Variants in SLTM observed in about 807,000 individuals in gnomAD.
SLTM encodes the protein SAFB like transcription modulator.
SLTM carries 43 observed loss-of-function variants against 134.6 expected under a neutral mutation model. The observed-to-expected ratio is 0.32, with a 90% CI of 0.25 to 0.41. The LOEUF (loss-of-function observed/expected upper bound fraction) is 0.41, where lower values mean the gene tolerates loss of function less well. Among genes scored for constraint, SLTM ranks in the 10% least tolerant of loss-of-function variants. The probability of loss-of-function intolerance (pLI) is 1.00; values close to 1 mark genes in which losing one functional copy is unlikely to be tolerated. For synonymous variants in SLTM, 424 were observed against 432.3 expected, an observed-to-expected ratio of 0.98 and a Z score of 0.24; for missense variants, 1,055 against 1,288.8, an observed-to-expected ratio of 0.82 and a Z score of 2.78.
At chr15:58,887,565 A>G (rs2034323130) in intron 17 of SLTM, 25 bp from the exon 18 acceptor site, 1 of 1,579,334 alleles carries the variant, frequency 6.3e-7, no homozygotes, top group Non-Finnish European at 8.6e-7. Flanking sequence ...CAAAGAATAT[A>G]GGTCCAAGAA....
intron 20 of SLTM, among the ~76,000 whole-genome samples, chr15:58,882,640 A>T (rs1407337300): frequency 6.6e-6 from 1 of 152,256 alleles, no homozygotes; most frequent in Non-Finnish European, 1.5e-5. Flanking sequence ...AACCAGATAC[A>T]ATGAATGTTG....
At position 58,893,073 on chromosome 15, in the gene SLTM, A is replaced by T. The variant is rs1335082137; in HGVS notation, c.1735-13T>A. On this transcript the variant is annotated splice_polypyrimidine_tract_variant and intron_variant, in intron 13 of 20. Coordinates refer to ENST00000380516, the MANE Select transcript of SLTM (RefSeq NM_024755.4). ...TTCTTCCATGAATCTGTAGAAAAAA[A>T]TTAGAAGAACACTAGAAATTAAAAT... is the stretch of plus-strand genomic sequence containing the variant. The T allele has an allele frequency of 1.3e-6, 2 of 1,564,756 alleles. No individual in the cohort carries two copies. The highest frequency in any genetic ancestry group is 1.7e-6 in the Non-Finnish European group (2 of 1,163,576).
At chr15:58,931,310 G>T (rs2037864455) in intron 2 of SLTM, among the ~76,000 whole-genome samples, 1 of 152,146 alleles carries the variant, frequency 6.6e-6, no homozygotes, top group Non-Finnish European at 1.5e-5. Context: ...ACAAACAGGG[G>T]ACTCTCCTAA....
At chr15:58,911,028 G>A (rs1310903943) in intron 5 of SLTM, among the ~76,000 whole-genome samples, 2 of 152,070 alleles carry the variant, frequency 1.3e-5, no homozygotes, top group African/African-American at 4.8e-5. Context: ...ACAGGTGTGA[G>A]CCACCATGCC....
rs2033496858 is a variant in SLTM at position 58,879,121 on chromosome 15, C to T, written c.*878G>A. On this transcript the variant is annotated 3_prime_UTR_variant, in exon 21 of 21. Transcript: ENST00000380516. ...CCCACATACAAGTATTTACAAAACC[C>T]AACTGATTCACCCATCTAGAACCTG... 1 of 152,160 alleles carries T rather than the reference C, an allele frequency of 6.6e-6. No individual in the cohort carries two copies. Among genetic ancestry groups the T allele is most frequent in the Admixed American group, 6.5e-5 (1 of 15,280 alleles). The allele number at this position is 152,160 out of a possible 1,614,324, so 9.4% of individuals were successfully genotyped here.
chr15:58,885,984 A>G lies in SLTM; in HGVS notation c.2835+991T>C, dbSNP rs540911796. ...ATTTCATCAGTAGAAGAATACTTTTAAATGAGGCAAAAGGTTTTTGTTCAT... is the reference window on the plus strand; with the variant it reads ...ATTTCATCAGTAGAAGAATACTTTTGAATGAGGCAAAAGGTTTTTGTTCAT... On this transcript the variant is annotated intron_variant, in intron 19 of 20. Transcript: ENST00000380516. Among the ~76,000 whole-genome samples the G allele has an allele frequency of 2.0e-5, 3 of 152,342 alleles. No individual in the cohort carries two copies. The South Asian group carries it at 6.2e-4, about 32-fold the overall frequency.
chr15:58,902,079 G>C (rs911509455), intron 5 of SLTM, among the ~76,000 whole-genome samples: 7 of 152,064 alleles, frequency 4.6e-5, no homozygotes, highest in Admixed American at 4.6e-4. Flanking sequence ...AAACAGAAGA[G>C]TCATAAAGGG....
intron 5 of SLTM, among the ~76,000 whole-genome samples, chr15:58,909,525 C>T (rs2036107567): frequency 6.6e-6 from 1 of 152,060 alleles, no homozygotes. Flanking sequence ...AGAAACAGTC[C>T]AACCAATAAA....
At chr15:58,920,879 C>T (rs2036994825) in intron 2 of SLTM, among the ~76,000 whole-genome samples, 2 of 151,896 alleles carry the variant, frequency 1.3e-5, no homozygotes, top group South Asian at 4.2e-4. Context: ...CCTTTGAACC[C>T]GGGAGGTGAA....
At chr15:58,921,426 T>C (rs1260459287) in intron 2 of SLTM, 1 of 179,234 alleles carries the variant, frequency 5.6e-6, no homozygotes, top group African/African-American at 2.4e-5. Flanking sequence ...ATGTATGAAA[T>C]TTTAAAATGT....
intron 19 of SLTM, among the ~76,000 whole-genome samples, chr15:58,885,459 A>C (rs1288581983): frequency 1.3e-5 from 2 of 152,188 alleles, no homozygotes; most frequent in African/African-American, 4.8e-5. Context: ...ATTTTACTAT[A>C]AACAAGGCAG....
intron 14 of SLTM, among the ~76,000 whole-genome samples, chr15:58,892,164 CA>C (rs1170176277): frequency 6.6e-6 from 1 of 152,184 alleles, no homozygotes; most frequent in Non-Finnish European, 1.5e-5. Flanking sequence ...CTGGACAAGA[CA>C]GCTTAACATT....
At chr15:58,909,638 A>G (rs1225085789) in intron 5 of SLTM, among the ~76,000 whole-genome samples, 1 of 152,252 alleles carries the variant, frequency 6.6e-6, no homozygotes, top group African/African-American at 2.4e-5. Flanking sequence ...TATTATGTGC[A>G]TCCAAATAGA....
intron 5 of SLTM, among the ~76,000 whole-genome samples, chr15:58,909,757 A>C (rs1196289524): frequency 6.6e-6 from 1 of 152,228 alleles, no homozygotes; most frequent in East Asian, 1.9e-4. Flanking sequence ...AACAATTTAC[A>C]AAAAATACAA....
chr15:58,901,227 T>C, intron 6 of SLTM, 33 bp downstream of exon 6: 3 of 1,558,472 alleles, frequency 1.9e-6, no homozygotes, highest in Non-Finnish European at 2.6e-6. Context: ...TTTCTAAATT[T>C]TAGCAATTTT....
Position 58,886,895 on chromosome 15 carries a change from G to A in SLTM, c.2835+80C>T. On this transcript the variant is annotated intron_variant, in intron 19 of 20. Transcript: ENST00000380516. ...TAGCTAATCTAAGCCACATCAAAAT[G>A]CTACTGTATATCCAGAGTAGCTCAT... 6 of 1,532,922 alleles carry A rather than the reference G, an allele frequency of 3.9e-6. No individual in the cohort carries two copies. In the South Asian group the frequency reaches 6.9e-5, roughly 18 times the overall value. 95.0% of individuals were successfully genotyped at this position (1,532,922 alleles called of 1,614,324 possible).
At chr15:58,882,992 C>G (rs1205155020) in intron 20 of SLTM, among the ~76,000 whole-genome samples, 6 of 152,220 alleles carry the variant, frequency 3.9e-5, no homozygotes, top group African/African-American at 1.4e-4. Context: ...AGGTAGAGAA[C>G]AAGATGATGG....
Position 58,880,222 on chromosome 15 carries a change from A to C in SLTM, c.2997-115T>G. On this transcript the variant is annotated intron_variant, in intron 20 of 20. Coordinates refer to ENST00000380516, the MANE Select transcript of SLTM (RefSeq NM_024755.4). ...AAATAAATCATTTACTCTTTTCAAC[A>C]GTCCCGTGAGGTCTGAACCATTGCT... 3 of 1,384,006 alleles carry C rather than the reference A, an allele frequency of 2.2e-6. 1 individual carries two copies. In the South Asian group the frequency reaches 4.6e-5, roughly 21 times the overall value. The allele number at this position is 1,384,006 out of a possible 1,614,324, so 85.7% of individuals were successfully genotyped here.
intron 5 of SLTM, among the ~76,000 whole-genome samples, chr15:58,905,950 G>A (rs998484375): frequency 6.6e-6 from 1 of 152,166 alleles, no homozygotes; most frequent in African/African-American, 2.4e-5. Context: ...GTCTGACCCA[G>A]CTTCTAGAAA....
Sources: gnomAD v4.1 joint callset for allele counts (sites outside exome capture counted in the v4.1 genomes callset) on GRCh38, gnomAD v4.1.1 for gene constraint, MANE v1.5 for transcripts, NCBI Gene and HGNC (gene_info 2026-07-23, HGNC 2026-07-21) for gene names.